Variants in COL1A1 observed in about 807,000 individuals in gnomAD.
COL1A1 encodes collagen type I alpha 1 chain.
COL1A1 carries 21 observed loss-of-function variants against 195.7 expected under a neutral mutation model. The observed-to-expected ratio is 0.11, with a 90% confidence interval of 0.08 to 0.15. The LOEUF is 0.15. COL1A1 is among the 10% of genes least tolerant of loss of function. The pLI is 1.00. For missense variants in COL1A1, 1,365 were observed against 2,051.0 expected (o/e 0.67, Z 6.46); for synonymous variants, 749 against 747.3 (o/e 1.00, Z -0.04).
rs994102132 is a variant in COL1A1, at chr17:50,186,490, G to A, written c.3832C>T (p.Pro1278Ser). 1 of 1,614,176 alleles carries A rather than the reference G, an allele frequency of 6.2e-7. No homozygotes were observed. Among genetic ancestry groups the A allele is most frequent in the East Asian group, 2.2e-5 (1 of 44,878 alleles). ...GCATCCAGGTTGCAGCCTTGGTTGG[G>A]GTCAATCCAGTACTCTCCTGTGGTA... The part of the protein sequence containing the change: ...DWKSGEYWID[P>S]NQGCNLDAIK... Residue 1278 changes from proline to serine, a missense_variant, in exon 49 of 51, where the codon CCC (proline) becomes TCC (serine). Physicochemically the swap from Pro to Ser is moderately conservative, Grantham distance 74. Coordinates refer to ENST00000225964, the MANE Select transcript of COL1A1 (RefSeq NM_000088.4). This position sits in a 1 kb window ranked among gnomAD's most constrained non-coding sequence, Gnocchi z 5.3.
rs373777457 is a variant in COL1A1 at position 50,186,727 on chromosome 17, C to T, written c.3727G>A (p.Glu1243Lys). The T allele has an allele frequency of 9.3e-6, 15 of 1,613,686 alleles. No individual in the cohort carries two copies. The highest frequency in any genetic ancestry group is 5.3e-5 in the African/African-American group (4 of 74,920). ...CTGCCCTCTGGGCTCCGGATGTTCT[C>T]GATCTGCTGGCTCAGGCTCTTGAGG... ...TTLKSLSQQI[E>K]NIRSPEGSRK... is the part of the protein sequence containing the mutation. Residue 1243 changes from glutamate (E) to lysine (K), a missense_variant, in exon 48 of 51, where the codon GAG (glutamate) becomes AAG (lysine). By Grantham distance (56) the Glu-to-Lys change is moderately conservative. Around this residue, in one of 5 missense-constraint regions of COL1A1, gnomAD observed 273 missense variants for 338.6 expected, o/e 0.81. Transcript: ENST00000225964. The surrounding 1 kb of genome is among the most constrained non-coding windows in gnomAD (Gnocchi z 5.3).
chr17:50,198,350 G>C (rs982440710), intron 6 of COL1A1, 83 bp downstream of exon 6: 2 of 1,553,568 alleles, frequency 1.3e-6, no homozygotes, highest in African/African-American at 2.7e-5. Context: ...GACCTCCCAA[G>C]CTGTCTATAC....
In COL1A1 at chr17:50,196,140, A is replaced by G. The variant is rs1171552644; in HGVS notation, c.1002+15T>C. The stretch of plus-strand genomic sequence containing the variant: ...TCCCCACTCCCAGGCCCTGAGGCCT[A>G]CAGGCCACACTCACAGGGGGCCCGG... On this transcript the variant is annotated intron_variant, in intron 15 of 50. Coordinates refer to ENST00000225964, the MANE Select transcript of COL1A1 (RefSeq NM_000088.4). The G allele has an allele frequency of 1.2e-6, 2 of 1,613,894 alleles. No homozygotes were observed. Among genetic ancestry groups the G allele is most frequent in the Non-Finnish European group, 1.7e-6 (2 of 1,179,822 alleles).
chr17:50,187,864 G>A lies in COL1A1; in HGVS notation c.3369+12C>T. On this transcript the variant is annotated intron_variant, in intron 45 of 50. Transcript: ENST00000225964. ...ACAGCATGGGGACTGGGGAGGGGCT[G>A]AGCATACTTACAGGAGGGCCAGGGG... 1.3e-6 allele frequency: 2 copies of A among 1,587,826 alleles called. No individual in the cohort carries two copies. Among genetic ancestry groups the A allele is most frequent in the Non-Finnish European group, 1.7e-6 (2 of 1,165,162 alleles).
Position 50,198,460 on chromosome 17 carries a change from G to A in COL1A1, c.516C>T (p.Thr172=), listed in dbSNP as rs377195143. 58 of 1,613,320 alleles carry A rather than the reference G, an allele frequency of 3.6e-5. No individual in the cohort carries two copies. The highest frequency in any genetic ancestry group is 9.3e-5 in the African/African-American group (7 of 74,882). The change falls in exon 6 of 51, where the codon ACC becomes ACT. Residue 172 remains threonine (T), a synonymous_variant. Transcript: ENST00000225964. Reference sequence around the variant, plus strand: ...TGGGGCCAGGCACGGAAATTCCTCCGGTTGATTTCTCATCATAGCCATAAG... The same window carrying A: ...TGGGGCCAGGCACGGAAATTCCTCCAGTTGATTTCTCATCATAGCCATAAG... ...QLSYGYDEKS[T]GGISVPGPMG...
At chr17:50,199,727 GC>G in intron 2 of COL1A1, 25 bp downstream of exon 2, 1 of 764,986 alleles carries the variant, frequency 1.3e-6, no homozygotes, top group African/African-American at 1.6e-5. Context: ...CAGGCCCCAG[GC>G]CCCAGGCCCC....
chr17:50,192,171 C>T (rs1907161030), intron 29 of COL1A1, 147 bp from the exon 30 acceptor site: 4 of 877,890 alleles, frequency 4.6e-6, no homozygotes, highest in Non-Finnish European at 7.1e-6. Context: ...CCAAACAGCC[C>T]CTCTCTTCCT....
At position 50,189,107 on chromosome 17, in the gene COL1A1, C is replaced by T. The variant is rs543333192; in HGVS notation, c.2937+61G>A. 1.9e-6 allele frequency: 3 copies of T among 1,592,978 alleles called. No homozygotes were observed. Among genetic ancestry groups the T allele is most frequent in the Non-Finnish European group, 2.6e-6 (3 of 1,161,542 alleles). ...ACCAAATCTGTTCTCCTTGGCTCCG[C>T]CCCACTCCAAGTCCTGTGATGGTTT... is the stretch of plus-strand genomic sequence containing the variant. On this transcript the variant is annotated intron_variant, in intron 40 of 50. Transcript: ENST00000225964. The surrounding 1 kb of genome is among the most constrained non-coding windows in gnomAD (Gnocchi z 5.5).
At position 50,197,240 on chromosome 17, in the gene COL1A1, G is replaced by A. The variant is rs768782428; in HGVS notation, c.697-7C>T. The A allele has an allele frequency of 1.2e-6, 2 of 1,612,490 alleles. No individual in the cohort carries two copies. Among genetic ancestry groups the A allele is most frequent in the East Asian group, 4.5e-5 (2 of 44,880 alleles). Reference sequence around the variant, plus strand: ...CAGGTTTTCCAGCTTCCCCCTGAGAGGGAGAGAAAAGACCATCATGCCTCT... The same window carrying A: ...CAGGTTTTCCAGCTTCCCCCTGAGAAGGAGAGAAAAGACCATCATGCCTCT... On this transcript the variant is annotated splice_region_variant and splice_polypyrimidine_tract_variant and intron_variant, in intron 9 of 50. Transcript: ENST00000225964.
At position 50,189,861 on chromosome 17, in the gene COL1A1, G is replaced by A; in HGVS notation, c.2611C>T (p.Pro871Ser). The change falls in exon 37 of 51, where the codon CCT (proline) becomes TCT (serine). Residue 871 changes from proline (P) to serine (S), a missense_variant and splice_region_variant. Around this residue, in one of 5 missense-constraint regions of COL1A1, gnomAD observed 671 missense variants for 1,099.9 expected, o/e 0.61. Coordinates refer to ENST00000225964, the MANE Select transcript of COL1A1 (RefSeq NM_000088.4). The surrounding 1 kb of genome is among the most constrained non-coding windows in gnomAD (Gnocchi z 5.5). ...ACAGAGAGGCGGGTGATACTCACAGGGGGACCAGCGCTGCCGCGAGCACCT... is the reference window on the plus strand; with the variant it reads ...ACAGAGAGGCGGGTGATACTCACAGAGGGACCAGCGCTGCCGCGAGCACCT... ...AKGARGSAGP[P>S]GATGFPGAAG... 1 of 1,606,932 alleles carries A rather than the reference G, an allele frequency of 6.2e-7. No individual in the cohort carries two copies.
chr17:50,199,688 C>A (rs951343493), intron 2 of COL1A1, 65 bp downstream of exon 2: 12 of 1,584,916 alleles, frequency 7.6e-6, no homozygotes, highest in African/African-American at 6.2e-5. Flanking sequence ...CGCCGACCAC[C>A]CCCAGCCCCA....
In COL1A1 at chr17:50,195,517, A is replaced by G; in HGVS notation, c.1156-39T>C. On this transcript the variant is annotated intron_variant, in intron 17 of 50. Coordinates refer to ENST00000225964, the MANE Select transcript of COL1A1 (RefSeq NM_000088.4). The surrounding 1 kb of genome is among the most constrained non-coding windows in gnomAD (Gnocchi z 4.3). ...AAAGGAGTGTCAGCAACAGGCAAGG[A>G]CTCTGAGGTTAGAAAGTGGCAAAGG... 6.2e-7 allele frequency: 1 copy of G among 1,613,746 alleles called. No homozygotes were observed. Among genetic ancestry groups the G allele is most frequent in the East Asian group, 2.2e-5 (1 of 44,846 alleles).
chr17:50,196,159 G>A lies in COL1A1; in HGVS notation c.998C>T (p.Pro333Leu), dbSNP rs1907567727. The change falls in exon 15 of 51, where the codon CCC becomes CTC. Residue 333 changes from proline (P) to leucine (L), a missense_variant. Coordinates refer to ENST00000225964, the MANE Select transcript of COL1A1 (RefSeq NM_000088.4). ...AGGCCTACAGGCCACACTCACAGGG[G>A]GCCCGGCAGCACCAGTAGCACCATC... is the stretch of plus-strand genomic sequence containing the variant. The part of the protein sequence containing the change: ...GNDGATGAAG[P>L]PGPTGPAGPP... 1 of 1,614,050 alleles carries A rather than the reference G, an allele frequency of 6.2e-7. No individual in the cohort carries two copies. Among genetic ancestry groups the A allele is most frequent in the South Asian group, 1.1e-5 (1 of 91,078 alleles).
intron 1 of COL1A1, 101 bp downstream of exon 1, chr17:50,201,310 G>A (rs1908074239): frequency 1.9e-6 from 2 of 1,077,160 alleles, no homozygotes; most frequent in Non-Finnish European, 2.8e-6. Context: ...CCATTCCCGA[G>A]TCTCCGGATC....
At position 50,186,310 on chromosome 17, in the gene COL1A1, C is replaced by T; in HGVS notation, c.4005+7G>A. 6.2e-7 allele frequency: 1 copy of T among 1,614,140 alleles called. No individual in the cohort carries two copies. Among genetic ancestry groups the T allele is most frequent in the Admixed American group, 1.7e-5 (1 of 60,036 alleles). On this transcript the variant is annotated splice_region_variant and intron_variant, in intron 49 of 50. Transcript: ENST00000225964. This position sits in a 1 kb window ranked among gnomAD's most constrained non-coding sequence, Gnocchi z 5.3. ...CTAACACTGGCTCTGAGGTCCAGCTCACGCACCTGGAATCCATCGGTCATG... is the reference window on the plus strand; with the variant it reads ...CTAACACTGGCTCTGAGGTCCAGCTTACGCACCTGGAATCCATCGGTCATG...
chr17:50,191,316 G>C, intron 32 of COL1A1, 67 bp downstream of exon 32: 1 of 1,342,642 alleles, frequency 7.4e-7, no homozygotes, highest in Non-Finnish European at 1.1e-6. Context: ...GAGAGATGCT[G>C]AGAGATTCAA....
intron 29 of COL1A1, 60 bp from the exon 30 acceptor site, chr17:50,192,084 G>A: frequency 6.4e-7 from 1 of 1,557,028 alleles, no homozygotes; most frequent in Admixed American, 1.8e-5. Flanking sequence ...CCACTCTGCT[G>A]GAAAGCACGG....
In COL1A1 at chr17:50,189,065, C is replaced by T; in HGVS notation, c.2938-55G>A. On this transcript the variant is annotated intron_variant, in intron 40 of 50. Coordinates refer to ENST00000225964, the MANE Select transcript of COL1A1 (RefSeq NM_000088.4). The surrounding 1 kb of genome is among the most constrained non-coding windows in gnomAD (Gnocchi z 5.5). ...ATAGGGTCTGGGAGGACCCTTGAGTCCGCTGGAGTCATCTCTACCAAATCT... is the reference window on the plus strand; with the variant it reads ...ATAGGGTCTGGGAGGACCCTTGAGTTCGCTGGAGTCATCTCTACCAAATCT... The T allele has an allele frequency of 6.4e-7, 1 of 1,570,140 alleles. No individual in the cohort carries two copies.
Position 50,184,874 on chromosome 17 carries a change from C to A in COL1A1, c.*628G>T, listed in dbSNP as rs1031560347. The A allele has an allele frequency of 2.2e-5, 5 of 230,156 alleles. No individual in the cohort carries two copies. The highest frequency in any genetic ancestry group is 6.7e-5 in the African/African-American group (3 of 45,086). 14.3% of individuals were successfully genotyped at this position (230,156 alleles called of 1,614,324 possible). A position where few individuals can be genotyped will look rare whatever the true frequency, so the allele number is the denominator to read the frequency against. ...AGTGAGGGGCTGGTGGCTCCCCCGGCATGACCCCCTCAAAAACGAAGGGGA... is the reference window on the plus strand; with the variant it reads ...AGTGAGGGGCTGGTGGCTCCCCCGGAATGACCCCCTCAAAAACGAAGGGGA... On this transcript the variant is annotated 3_prime_UTR_variant, in exon 51 of 51. Transcript: ENST00000225964.
Sources: gnomAD v4.1 joint callset for allele counts on GRCh38, gnomAD v4.1.1 for gene constraint, gnomAD v4.1.1 regional missense constraint, Gnocchi (gnomAD v3.1) non-coding constraint, MANE v1.5 for transcripts, NCBI Gene and HGNC (gene_info 2026-07-23, HGNC 2026-07-21) for gene names.